MATR3: variants seen among roughly 807,000 people sequenced by gnomAD.
The protein encoded by MATR3 is matrin-3.
MATR3 carries 4 observed loss-of-function variants against 85.5 expected under a neutral mutation model. The ratio of observed to expected loss-of-function variants is 0.05; its 90% CI spans 0.02 to 0.11. The LOEUF (loss-of-function observed/expected upper bound fraction) is 0.11, where lower values mean the gene tolerates loss of function less well. Ranked by LOEUF, MATR3 falls within the 10% of genes least tolerant of loss-of-function variation. The pLI is 1.00. For synonymous variants in MATR3, 336 were observed against 343.1 expected (o/e 0.98, Z 0.23); for missense variants, 685 against 1,016.1 (o/e 0.67, Z 4.43).
At position 139,307,213 on chromosome 5, in the gene MATR3, G is replaced by T; in HGVS notation, c.-177-26G>T. ...ACGGCATCTGCTTAAAGGGATTTATGACTAAAATTGCTTATTTTTCTACAG... is the reference window on the plus strand; with the variant it reads ...ACGGCATCTGCTTAAAGGGATTTATTACTAAAATTGCTTATTTTTCTACAG... On this transcript the variant is annotated intron_variant, in intron 1 of 14. Coordinates refer to ENST00000394805, the MANE Select transcript of MATR3 (RefSeq NM_018834.6). This position sits in a 1 kb window ranked among gnomAD's most constrained non-coding sequence, Gnocchi z 4.4. 2 of 1,270,380 alleles carry T rather than the reference G, an allele frequency of 1.6e-6. No homozygotes were observed. Among genetic ancestry groups the T allele is most frequent in the Non-Finnish European group, 9.9e-7 (1 of 1,010,618 alleles). 78.7% of individuals were successfully genotyped at this position (1,270,380 alleles called of 1,614,324 possible).
intron 3 of MATR3, among the ~76,000 whole-genome samples, chr5:139,282,433 GC>G (rs1753565355): frequency 6.6e-6 from 1 of 152,138 alleles, no homozygotes; most frequent in Non-Finnish European, 1.5e-5. Context: ...TCCAGTAAAG[GC>G]CCTTTAGGAT....
At chr5:139,322,561 A>G in intron 11 of MATR3, 37 bp from the exon 12 acceptor site, 1 of 1,584,142 alleles carries the variant, frequency 6.3e-7, no homozygotes, top group Non-Finnish European at 8.7e-7. Flanking sequence ...ACTTTTTCAG[A>G]CAACAAATTA....
chr5:139,305,959 G>T (rs745662655), intron 1 of MATR3, among the ~76,000 whole-genome samples: 1 of 152,030 alleles, frequency 6.6e-6, no homozygotes, highest in Non-Finnish European at 1.5e-5. Context: ...TAATAGACTT[G>T]TAACTACTGG....
chr5:139,325,393 C>T (rs1431787702), intron 12 of MATR3, 47 bp from the exon 13 acceptor site: 5 of 1,587,400 alleles, frequency 3.1e-6, no homozygotes, highest in Non-Finnish European at 4.3e-6. Flanking sequence ...TCGGGCATGG[C>T]ATTTAAATCT....
chr5:139,324,625 TGA>T (rs1357937624), intron 12 of MATR3, among the ~76,000 whole-genome samples: 1 of 152,112 alleles, frequency 6.6e-6, no homozygotes, highest in Non-Finnish European at 1.5e-5. Flanking sequence ...TTACACTGTT[TGA>T]GTATTTGCTC....
chr5:139,300,602 G>A (rs1754387976), intron 1 of MATR3, among the ~76,000 whole-genome samples: 1 of 152,182 alleles, frequency 6.6e-6, no homozygotes. Flanking sequence ...TATACCAAAT[G>A]AGATGATTAC....
chr5:139,318,863 A>G, intron 7 of MATR3, 45 bp from the exon 8 acceptor site: 1 of 1,606,776 alleles, frequency 6.2e-7, no homozygotes, highest in Non-Finnish European at 8.5e-7. Flanking sequence ...AATGTGAGAA[A>G]GCTGATTGGA....
Position 139,330,048 on chromosome 5 carries a change from G to A in MATR3, c.*653G>A, listed in dbSNP as rs1756060471. 2 of 454,258 alleles carry A rather than the reference G, an allele frequency of 4.4e-6. No homozygotes were observed. The highest frequency in any genetic ancestry group is 2.0e-5 in the African/African-American group (1 of 49,972). The allele number at this position is 454,258 out of a possible 1,614,324, so 28.1% of individuals were successfully genotyped here. A position where few individuals can be genotyped will look rare whatever the true frequency, so the allele number is the denominator to read the frequency against. ...TTCTAGTAGTCAATGTATTTTCAGT[G>A]AAATGCAAAAATATTCCCGTTATCT... On this transcript the variant is annotated 3_prime_UTR_variant, in exon 15 of 15. Coordinates refer to ENST00000394805, the MANE Select transcript of MATR3 (RefSeq NM_018834.6).
Position 139,329,774 on chromosome 5 carries a change from A to G in MATR3, c.*379A>G, listed in dbSNP as rs768283929. ...TTCCATTCAATAAAGAACAAAACCAATAGTGTTTTTATTACTTTCATCTGA... is the reference window on the plus strand; with the variant it reads ...TTCCATTCAATAAAGAACAAAACCAGTAGTGTTTTTATTACTTTCATCTGA... On this transcript the variant is annotated 3_prime_UTR_variant, in exon 15 of 15. Coordinates refer to ENST00000394805, the MANE Select transcript of MATR3 (RefSeq NM_018834.6). The G allele has an allele frequency of 1.4e-4, 65 of 455,164 alleles. No homozygotes were observed. The highest frequency in any genetic ancestry group is 3.5e-4 in the Admixed American group (15 of 42,590). 28.2% of individuals were successfully genotyped at this position (455,164 alleles called of 1,614,324 possible).
chr5:139,322,441 C>G lies in MATR3; in HGVS notation c.1735-22C>G, dbSNP rs374969516. ...GTGTATTCTGCAAATGTGTTAACTTCTGCAAAACTTTTGTCTTTTAGATTC... is the reference window on the plus strand; with the variant it reads ...GTGTATTCTGCAAATGTGTTAACTTGTGCAAAACTTTTGTCTTTTAGATTC... On this transcript the variant is annotated intron_variant, in intron 10 of 14. Coordinates refer to ENST00000394805, the MANE Select transcript of MATR3 (RefSeq NM_018834.6). 7 of 1,601,132 alleles carry G rather than the reference C, an allele frequency of 4.4e-6. No individual in the cohort carries two copies. The African/African-American group carries it at 9.4e-5, about 21-fold the overall frequency.
intron 1 of MATR3, among the ~76,000 whole-genome samples, chr5:139,305,134 G>GT (rs1754642162): frequency 6.6e-6 from 1 of 152,142 alleles, no homozygotes; most frequent in Non-Finnish European, 1.5e-5. Flanking sequence ...TACTAAGGTG[G>GT]TTATGGAATT....
At chr5:139,296,693 C>G (rs190336603) in intron 1 of MATR3, among the ~76,000 whole-genome samples, 8 of 152,086 alleles carry the variant, frequency 5.3e-5, no homozygotes, top group Admixed American at 4.6e-4. Context: ...TCAGAATATT[C>G]TTAGGCAAAA....
At chr5:139,315,821 A>C in intron 4 of MATR3, 83 bp downstream of exon 4, 1 of 1,168,818 alleles carries the variant, frequency 8.6e-7, no homozygotes, top group South Asian at 1.3e-5. Flanking sequence ...TTCATAAACA[A>C]AGTATTTTCA....
intron 13 of MATR3, 142 bp from the exon 14 acceptor site, chr5:139,326,021 T>C (rs1755836533): frequency 2.7e-6 from 2 of 740,110 alleles, no homozygotes; most frequent in Non-Finnish European, 4.4e-6. Context: ...CAAAATATGG[T>C]TCGGTTTTTG....
At chr5:139,288,098 C>T (rs1753762782) in intron 3 of MATR3, among the ~76,000 whole-genome samples, 1 of 152,066 alleles carries the variant, frequency 6.6e-6, no homozygotes, top group South Asian at 2.1e-4. Flanking sequence ...CTTCTGTAGT[C>T]CCAGGTACTC....
intron 2 of MATR3, among the ~76,000 whole-genome samples, chr5:139,277,761 CTTT>C (rs35759733): frequency 3.1e-5 from 4 of 128,034 alleles, no homozygotes; most frequent in African/African-American, 8.6e-5. Flanking sequence ...GTCTGCTCGT[CTTT>C]TTTTTTTTTT....
At chr5:139,321,372 C>T (rs963859140) in intron 9 of MATR3, among the ~76,000 whole-genome samples, 7 of 151,930 alleles carry the variant, frequency 4.6e-5, no homozygotes, top group Admixed American at 2.0e-4. Flanking sequence ...AGGCTGTTCT[C>T]GGAATTCCTG....
At position 139,322,749 on chromosome 5, in the gene MATR3, A is replaced by C; in HGVS notation, c.1930A>C (p.Thr644Pro). The change falls in exon 12 of 15, where the codon ACA becomes CCA. Residue 644 changes from threonine to proline, a missense_variant. Physicochemically the swap from Thr to Pro is conservative, Grantham distance 38. This residue lies in a region of MATR3 where 215 missense variants were observed against 194.7 expected (regional missense o/e 1.10). Coordinates refer to ENST00000394805, the MANE Select transcript of MATR3 (RefSeq NM_018834.6). ...TGAGAAAGACACAAAGGATGACCAG[A>C]CAGAGCAGGAACCTAATATGCTTCT... ...DGEKDTKDDQTEQEPNMLLES... is the reference protein window; with the variant it reads ...DGEKDTKDDQPEQEPNMLLES... 6.2e-7 allele frequency: 1 copy of C among 1,614,208 alleles called. No individual in the cohort carries two copies. Among genetic ancestry groups the C allele is most frequent in the Non-Finnish European group, 8.5e-7 (1 of 1,180,048 alleles).
At chr5:139,277,759 G>A (rs907701387) in intron 2 of MATR3, among the ~76,000 whole-genome samples, 1 of 101,712 alleles carries the variant, frequency 9.8e-6, no homozygotes, top group Admixed American at 1.1e-4. Context: ...ATGTCTGCTC[G>A]TCTTTTTTTT....
Sources: gnomAD v4.1 joint callset for allele counts (sites outside exome capture counted in the v4.1 genomes callset) on GRCh38, gnomAD v4.1.1 for gene constraint, gnomAD v4.1.1 regional missense constraint, Gnocchi (gnomAD v3.1) non-coding constraint, MANE v1.5 for transcripts, NCBI Gene and HGNC (gene_info 2026-07-23, HGNC 2026-07-21) for gene names.